Variants in DMD observed in about 807,000 individuals in gnomAD.
The protein encoded by DMD is mutant dystrophin.
Under a neutral mutation model 330.1 loss-of-function variants are expected in DMD, and 63 were observed. The observed-to-expected ratio is 0.19, with a 90% CI of 0.16 to 0.24. DMD has a LOEUF of 0.24. Ranked by LOEUF, DMD falls within the 10% of genes least tolerant of loss-of-function variation. DMD has a pLI of 1.00. For synonymous variants in DMD, 1,223 were observed against 959.8 expected (o/e 1.27, Z -5.07); for missense variants, 3,344 against 2,684.1 (o/e 1.25, Z -5.43).
At chrX:31,671,830 A>T in intron 53 of DMD, among the ~76,000 whole-genome samples, 1 of 109,656 alleles carries the variant, frequency 9.1e-6, no homozygotes, top group African/African-American at 3.3e-5. Context: ...AATTTTGTTG[A>T]CCTTTTCAAA....
intron 23 of DMD, among the ~76,000 whole-genome samples, chrX:32,465,406 A>G (rs1011157714): frequency 3.6e-5 from 4 of 110,918 alleles, no homozygotes; most frequent in Admixed American, 2.9e-4. Context: ...TACATTGAAA[A>G]TATGTGCTCC....
intron 7 of DMD, among the ~76,000 whole-genome samples, chrX:32,747,360 G>C (rs1418145478): frequency 8.9e-6 from 1 of 112,242 alleles, no homozygotes; most frequent in Non-Finnish European, 1.9e-5. Context: ...TGGAGAACGA[G>C]TACCATCAGC....
Position 31,618,306 on chromosome X carries a change from T to C in DMD, c.8217+9367A>G, listed in dbSNP as rs1409927160. 5.4e-5 allele frequency among the ~76,000 whole-genome samples: 6 copies of C among 110,277 alleles called. No individual in the cohort carries two copies. The South Asian group carries it at 1.9e-3, about 35-fold the overall frequency. ...AGACAAGGAGACAATTAGTATAATA[T>C]ATCACCCTGGCAAGTCAAAAGGTGA... On this transcript the variant is annotated intron_variant, in intron 55 of 78. Coordinates refer to ENST00000357033, the MANE Select transcript of DMD (RefSeq NM_004006.3).
chrX:31,322,144 A>G (rs2056473198), intron 62 of DMD, among the ~76,000 whole-genome samples: 1 of 112,064 alleles, frequency 8.9e-6, no homozygotes, highest in Non-Finnish European at 1.9e-5. Context: ...TTCAGCTCAT[A>G]AAGGAATTGG....
chrX:31,635,511 G>C (rs1339167903), intron 54 of DMD, among the ~76,000 whole-genome samples: 1 of 111,557 alleles, frequency 9.0e-6, no homozygotes, highest in African/African-American at 3.3e-5. Context: ...ATAATATTCA[G>C]AAGACAGCAA....
At chrX:31,185,807 T>C (rs1024211566) in intron 67 of DMD, among the ~76,000 whole-genome samples, 3 of 110,660 alleles carry the variant, frequency 2.7e-5, no homozygotes, top group African/African-American at 9.9e-5. Flanking sequence ...AAACTGACCT[T>C]ACCAATATTT....
At chrX:31,810,728 T>C (rs1162857045) in intron 50 of DMD, among the ~76,000 whole-genome samples, 1 of 112,322 alleles carries the variant, frequency 8.9e-6, no homozygotes, top group East Asian at 2.8e-4. Flanking sequence ...TAAAGTTATA[T>C]TCAATTTTAA....
intron 24 of DMD, among the ~76,000 whole-genome samples, chrX:32,464,377 G>C (rs2098394005): frequency 9.1e-6 from 1 of 109,718 alleles, no homozygotes; most frequent in Non-Finnish European, 1.9e-5. Flanking sequence ...ACGATATTTA[G>C]CAGCATCTCT....
chrX:31,922,827 T>C (rs1056322391), intron 47 of DMD, among the ~76,000 whole-genome samples: 1 of 112,047 alleles, frequency 8.9e-6, no homozygotes, highest in Non-Finnish European at 1.9e-5. Flanking sequence ...TCTTATATAC[T>C]ATTGTCATTA....
chrX:33,323,976 C>T (rs1302093075), intron 1 of DMD, among the ~76,000 whole-genome samples: 1 of 111,612 alleles, frequency 9.0e-6, no homozygotes, highest in African/African-American at 3.3e-5. Context: ...TGGTGTGTCA[C>T]TTCTGACAGT....
At chrX:32,372,792 CT>C (rs1396307429) in intron 34 of DMD, among the ~76,000 whole-genome samples, 3 of 111,767 alleles carry the variant, frequency 2.7e-5, no homozygotes, top group Non-Finnish European at 5.7e-5. Flanking sequence ...CATCATCAAT[CT>C]TTTATCTCAT....
intron 9 of DMD, among the ~76,000 whole-genome samples, chrX:32,661,205 C>T (rs1468459858): frequency 9.0e-6 from 1 of 111,502 alleles, no homozygotes; most frequent in Non-Finnish European, 1.9e-5. Context: ...GTGCTATCCA[C>T]TGTGTAGACT....
At chrX:31,291,743 C>T (rs1350893972) in intron 62 of DMD, among the ~76,000 whole-genome samples, 1 of 111,475 alleles carries the variant, frequency 9.0e-6, no homozygotes, top group Non-Finnish European at 1.9e-5. Flanking sequence ...AGAGGCAATG[C>T]TTCCCTACTT....
At chrX:33,200,715 C>A (rs757211984) in intron 1 of DMD, among the ~76,000 whole-genome samples, 6 of 110,274 alleles carry the variant, frequency 5.4e-5, no homozygotes, top group Middle Eastern at 4.7e-3. Flanking sequence ...AAGAGTAGTG[C>A]TACAAATTAA....
intron 44 of DMD, among the ~76,000 whole-genome samples, chrX:32,124,832 C>G (rs775699505): frequency 6.4e-4 from 70 of 110,203 alleles, no homozygotes; most frequent in African/African-American, 2.3e-3. Context: ...AAGTGACAAC[C>G]GATCAAGACC....
chrX:33,319,800 C>T (rs1044706285), intron 1 of DMD, among the ~76,000 whole-genome samples: 2 of 111,813 alleles, frequency 1.8e-5, no homozygotes, highest in Non-Finnish European at 3.8e-5. Context: ...CAGTTTCTTT[C>T]ATTTTTTCCA....
rs1053582139 is a variant in DMD, at chrX:32,462,381, G to A, written c.3432+1058C>T. On this transcript the variant is annotated intron_variant, in intron 25 of 78. Coordinates refer to ENST00000357033, the MANE Select transcript of DMD (RefSeq NM_004006.3). ...CCACAAGCATTTGAAACCAGGGAAAGCAAAACTGCAGATGATCGGGGACTA... is the reference window on the plus strand; with the variant it reads ...CCACAAGCATTTGAAACCAGGGAAAACAAAACTGCAGATGATCGGGGACTA... 8.0e-5 allele frequency among the ~76,000 whole-genome samples: 9 copies of A among 112,054 alleles called. No individual in the cohort carries two copies. In the East Asian group the frequency reaches 2.5e-3, roughly 32 times the overall value.
chrX:31,184,189 G>A (rs1299653831), intron 67 of DMD, among the ~76,000 whole-genome samples: 4 of 112,376 alleles, frequency 3.6e-5, no homozygotes, highest in East Asian at 2.8e-4. Flanking sequence ...GATAACAGGC[G>A]TGAGCCACTG....
intron 1 of DMD, among the ~76,000 whole-genome samples, chrX:33,033,138 G>T (rs1286542435): frequency 9.0e-6 from 1 of 110,990 alleles, no homozygotes; most frequent in Non-Finnish European, 1.9e-5. Context: ...GAGCAAAGAA[G>T]GTCCAGAGTC....
Sources: allele counts gnomAD v4.1 joint callset (sites outside exome capture counted in the v4.1 genomes callset), GRCh38; gene constraint gnomAD v4.1.1; transcripts MANE v1.5; gene names NCBI Gene and HGNC (gene_info 2026-07-23, HGNC 2026-07-21).